Variants in GOLGA3 observed in about 807,000 individuals in gnomAD.
The protein encoded by GOLGA3 is golgin subfamily A member 3.
A neutral mutation model predicts 169.4 loss-of-function variants in GOLGA3; 75 were observed. The ratio of observed to expected loss-of-function variants is 0.44; its 90% CI spans 0.37 to 0.54. The LOEUF (loss-of-function observed/expected upper bound fraction) is 0.54. Ranked by LOEUF, GOLGA3 falls within the 20% of genes least tolerant of loss-of-function variation. The probability of loss-of-function intolerance (pLI) is 0.00; values close to 1 mark genes in which losing one functional copy is unlikely to be tolerated. For missense variants in GOLGA3, 1,899 were observed against 1,930.0 expected (o/e 0.98, Z 0.30); for synonymous variants, 824 against 822.4 (o/e 1.00, Z -0.03).
intron 16 of GOLGA3, among the ~76,000 whole-genome samples, chr12:132,783,601 C>CG (rs1049341248): frequency 6.6e-6 from 1 of 152,152 alleles, no homozygotes; most frequent in African/African-American, 2.4e-5. Context: ...TTTTTTGAGA[C>CG]GGAGTCTCAC....
intron 10 of GOLGA3, 85 bp downstream of exon 10, chr12:132,796,454 G>A: frequency 6.9e-7 from 1 of 1,445,248 alleles, no homozygotes; most frequent in Non-Finnish European, 9.3e-7. Flanking sequence ...CACAGCAGAG[G>A]ACTGCTCGGT....
intron 3 of GOLGA3, among the ~76,000 whole-genome samples, chr12:132,814,856 G>C (rs1949884972): frequency 6.6e-6 from 1 of 152,240 alleles, no homozygotes; most frequent in Non-Finnish European, 1.5e-5. Context: ...GGTGATGAAA[G>C]AGTTGCATGG....
chr12:132,807,156 T>C (rs1949447714), intron 6 of GOLGA3, 21 bp downstream of exon 6: 1 of 1,443,104 alleles, frequency 6.9e-7, no homozygotes, highest in African/African-American at 1.4e-5. Flanking sequence ...CACGCTGAGA[T>C]GTCAGTCGAA....
chr12:132,776,870 C>G (rs762246532), intron 20 of GOLGA3, 88 bp downstream of exon 20: 5 of 1,544,990 alleles, frequency 3.2e-6, no homozygotes, highest in Non-Finnish European at 4.4e-6. Flanking sequence ...AGAAAACCAT[C>G]ACTGTTGCTC....
rs764968922 is a variant in GOLGA3, at chr12:132,796,234, G to A, written c.2101-14C>T. The A allele has an allele frequency of 4.4e-6, 7 of 1,579,174 alleles. No individual in the cohort carries two copies. The African/African-American group carries it at 6.7e-5, about 15-fold the overall frequency. ...AGTCAACTTCACCTGGAGAAGGAATGAAGCCCACATGGCTGCGCCTGACCC... is the reference window on the plus strand; with the variant it reads ...AGTCAACTTCACCTGGAGAAGGAATAAAGCCCACATGGCTGCGCCTGACCC... On this transcript the variant is annotated splice_polypyrimidine_tract_variant and intron_variant, in intron 10 of 23. Transcript: ENST00000450791.
At chr12:132,795,116 G>C (rs576797681) in intron 11 of GOLGA3, among the ~76,000 whole-genome samples, 1 of 151,688 alleles carries the variant, frequency 6.6e-6, no homozygotes, top group African/African-American at 2.4e-5. Flanking sequence ...GAACCCCGGA[G>C]GCAGAGGTTG....
Position 132,782,281 on chromosome 12 carries a change from G to A in GOLGA3, c.3465+15C>T. On this transcript the variant is annotated intron_variant, in intron 17 of 23. Transcript: ENST00000450791. Reference sequence around the variant, plus strand: ...CTCACACCGTTGCTGGCGTGAGTTTGACGAGTTTGAATACCTGAAGGTTCA... The same window carrying A: ...CTCACACCGTTGCTGGCGTGAGTTTAACGAGTTTGAATACCTGAAGGTTCA... 1 of 1,606,004 alleles carries A rather than the reference G, an allele frequency of 6.2e-7. No individual in the cohort carries two copies.
chr12:132,778,063 GTT>G (rs2045348989), intron 18 of GOLGA3, among the ~76,000 whole-genome samples: 1 of 152,234 alleles, frequency 6.6e-6, no homozygotes, highest in African/African-American at 2.4e-5. Flanking sequence ...GGTCTAAATA[GTT>G]TTTATAGTCT....
At chr12:132,824,316 A>G (rs1950329381) in intron 1 of GOLGA3, among the ~76,000 whole-genome samples, 1 of 152,216 alleles carries the variant, frequency 6.6e-6, no homozygotes, top group Admixed American at 6.5e-5. Context: ...ATCTGCTCAT[A>G]ACTATAATAA....
chr12:132,782,044 A>C (rs994761928), intron 17 of GOLGA3, among the ~76,000 whole-genome samples: 7 of 151,980 alleles, frequency 4.6e-5, no homozygotes, highest in African/African-American at 1.7e-4. Flanking sequence ...CTGCACCAAC[A>C]GCTGGGGACT....
At chr12:132,779,843 A>ACC (rs370726660) in intron 18 of GOLGA3, among the ~76,000 whole-genome samples, 17,864 of 86,764 alleles carry the variant, frequency 0.21, 1,355 homozygotes, top group Middle Eastern at 0.29. Flanking sequence ...TTGCACGGAC[A>ACC]CCCCCCCGCG....
Position 132,776,710 on chromosome 12 carries a change from T to C in GOLGA3, c.3902A>G (p.Gln1301Arg), listed in dbSNP as rs370276194. Residue 1301 changes from glutamine (Q) to arginine (R), a missense_variant, in exon 21 of 24, where the codon CAG becomes CGG. Coordinates refer to ENST00000450791, the MANE Select transcript of GOLGA3 (RefSeq NM_001389683.1). Reference protein sequence around the residue: ...WEVDQKEREIQSLKQQLDLTE... With the variant: ...WEVDQKEREIRSLKQQLDLTE... ...CAAGTCCAGCTGCTGCTTCAAGGAC[T>C]GGATTTCTCTTTCTTTCTGATCCAC... 6.2e-6 allele frequency: 10 copies of C among 1,614,144 alleles called. No homozygotes were observed. The highest frequency in any genetic ancestry group is 8.5e-6 in the Non-Finnish European group (10 of 1,180,010).
chr12:132,774,631 C>G, intron 22 of GOLGA3: 1 of 442,794 alleles, frequency 2.3e-6, no homozygotes. Flanking sequence ...ATCAGATACT[C>G]AAGACCTTGA....
In GOLGA3 at chr12:132,780,877, C is replaced by T. The variant is rs745857275; in HGVS notation, c.3503G>A (p.Arg1168His). The change falls in exon 18 of 24, where the codon CGC becomes CAC. Residue 1168 changes from arginine (R) to histidine (H), a missense_variant. By Grantham distance (29) the Arg-to-His change is conservative. Coordinates refer to ENST00000450791, the MANE Select transcript of GOLGA3 (RefSeq NM_001389683.1). Reference protein sequence around the residue: ...AVLQRKEEEDRQMKHLVQALQ... With the variant: ...AVLQRKEEEDHQMKHLVQALQ... ...GGCCTGGACAAGATGCTTCATCTGGCGATCCTCCTCTTCTTTGCGCTGCAA... is the reference window on the plus strand; with the variant it reads ...GGCCTGGACAAGATGCTTCATCTGGTGATCCTCCTCTTCTTTGCGCTGCAA... The T allele has an allele frequency of 1.5e-5, 24 of 1,612,038 alleles. No individual in the cohort carries two copies. The highest frequency in any genetic ancestry group is 3.3e-5 in the Admixed American group (2 of 60,008).
intron 6 of GOLGA3, 28 bp downstream of exon 6, chr12:132,807,149 G>T: frequency 7.2e-7 from 1 of 1,382,130 alleles, no homozygotes; most frequent in Non-Finnish European, 1.0e-6. Context: ...TTCGCCGCAC[G>T]CTGAGATGTC....
rs200401457 is a variant in GOLGA3, at chr12:132,776,427, C to T, written c.3978+207G>A. On this transcript the variant is annotated intron_variant, in intron 21 of 23. Coordinates refer to ENST00000450791, the MANE Select transcript of GOLGA3 (RefSeq NM_001389683.1). ...GCAGCTGCTGTAGCCCCTCCAGCTCCTTCCTCCCTGCTGCTCCCGCCTGTA... is the reference window on the plus strand; with the variant it reads ...GCAGCTGCTGTAGCCCCTCCAGCTCTTTCCTCCCTGCTGCTCCCGCCTGTA... 1.6e-3 allele frequency among the ~76,000 whole-genome samples: 223 copies of T among 143,264 alleles called. 1 individual carries two copies. The highest frequency in any genetic ancestry group is 2.6e-3 in the Non-Finnish European group (174 of 67,028). 94.0% of individuals were successfully genotyped at this position (143,264 alleles called of 152,430 possible).
At position 132,773,007 on chromosome 12, in the gene GOLGA3, A is replaced by C; in HGVS notation, c.*98T>G. The C allele has an allele frequency of 2.1e-6, 2 of 932,296 alleles. No individual in the cohort carries two copies. The highest frequency in any genetic ancestry group is 3.1e-6 in the Non-Finnish European group (2 of 641,794). The allele number at this position is 932,296 out of a possible 1,614,324, so 57.8% of individuals were successfully genotyped here. On this transcript the variant is annotated 3_prime_UTR_variant, in exon 24 of 24. Transcript: ENST00000450791. ...CTTGTTAAAGGCAAAACAAAACTTA[A>C]ATTTCATGTCTTAGAAAAACATCGA...
rs181353313 is a variant in GOLGA3, at chr12:132,772,795, C to T, written c.*310G>A. 1 of 253,774 alleles carries T rather than the reference C, an allele frequency of 3.9e-6. No individual in the cohort carries two copies. The highest frequency in any genetic ancestry group is 2.2e-5 in the African/African-American group (1 of 44,496). 15.7% of individuals were successfully genotyped at this position (253,774 alleles called of 1,614,324 possible). A position where few individuals can be genotyped will look rare whatever the true frequency, so the allele number is the denominator to read the frequency against. Reference sequence around the variant, plus strand: ...CCAGTTACGCAGCCTCTCCCTGTCACCCGCAGAGAGCAGCATCGGTGGCCG... The same window carrying T: ...CCAGTTACGCAGCCTCTCCCTGTCATCCGCAGAGAGCAGCATCGGTGGCCG... On this transcript the variant is annotated 3_prime_UTR_variant, in exon 24 of 24. Transcript: ENST00000450791.
intron 20 of GOLGA3, 27 bp from the exon 21 acceptor site, chr12:132,776,783 A>C: frequency 6.2e-7 from 1 of 1,611,268 alleles, no homozygotes; most frequent in South Asian, 1.1e-5. Context: ...CACATGGCCA[A>C]AAGAATATTA....
Sources: gnomAD v4.1 joint callset for allele counts (sites outside exome capture counted in the v4.1 genomes callset) on GRCh38, gnomAD v4.1.1 for gene constraint, MANE v1.5 for transcripts, NCBI Gene and HGNC (gene_info 2026-07-23, HGNC 2026-07-21) for gene names.